The following ASAP2 variants were observed in gnomAD, a reference collection of about 807,000 sequenced individuals.
ASAP2 encodes the protein ArfGAP with SH3 domain, ankyrin repeat and PH domain 2.
ASAP2 carries 45 observed loss-of-function variants against 131.4 expected under a neutral mutation model. The observed-to-expected ratio is 0.34, with a 90% CI of 0.27 to 0.44. The LOEUF is 0.44. Among genes scored for constraint, ASAP2 ranks in the 20% least tolerant of loss-of-function variants. ASAP2 has a pLI of 1.00. For synonymous variants in ASAP2, 510 were observed against 503.0 expected, an observed-to-expected ratio of 1.01 and a Z score of -0.19; for missense variants, 1,011 against 1,297.0, an observed-to-expected ratio of 0.78 and a Z score of 3.39.
chr2:9,300,136 G>GGCTGAA (rs1668392522), intron 3 of ASAP2, among the ~76,000 whole-genome samples: 1 of 152,228 alleles, frequency 6.6e-6, no homozygotes, highest in Non-Finnish European at 1.5e-5. Context: ...GGGAGGCTGA[G>GGCTGAA]GCTGAAGAAT....
intron 1 of ASAP2, among the ~76,000 whole-genome samples, chr2:9,225,943 A>G (rs1010605954): frequency 6.6e-6 from 1 of 152,230 alleles, no homozygotes; most frequent in African/African-American, 2.4e-5. Flanking sequence ...CAACTGCTCC[A>G]TACCAGGCCG....
chr2:9,348,733 C>T (rs932638431), intron 11 of ASAP2, among the ~76,000 whole-genome samples: 3 of 152,048 alleles, frequency 2.0e-5, no homozygotes, highest in African/African-American at 4.8e-5. Context: ...TGGTATGCTG[C>T]GAAGTGAGAA....
chr2:9,253,901 A>G (rs1391122056), intron 1 of ASAP2, among the ~76,000 whole-genome samples: 1 of 152,018 alleles, frequency 6.6e-6, no homozygotes, highest in African/African-American at 2.4e-5. Flanking sequence ...CCACATTCAC[A>G]TAACTTTTAT....
chr2:9,226,960 A>G (rs1283480624), intron 1 of ASAP2, among the ~76,000 whole-genome samples: 1 of 152,138 alleles, frequency 6.6e-6, no homozygotes, highest in Admixed American at 6.5e-5. Flanking sequence ...GGCTGTTGTC[A>G]GTGGAGCAGA....
chr2:9,340,322 G>A (rs1013275636), intron 9 of ASAP2, among the ~76,000 whole-genome samples: 1 of 152,176 alleles, frequency 6.6e-6, no homozygotes, highest in Non-Finnish European at 1.5e-5. Flanking sequence ...CGCCCGGCCA[G>A]CCATGTCTGC....
At position 9,254,525 on chromosome 2, in the gene ASAP2, GGATTTTTTTTTTTT is replaced by G. The variant is rs1287022997; in HGVS notation, c.127-24791_127-24778del. ...GCACCACTACCCCCAGCTAATTTTT[GGATTTTTTTTTTTT>G]TTTTTTTTTTTTTTAGTAGAGACGG... On this transcript the variant is annotated intron_variant, in intron 1 of 27. Coordinates refer to ENST00000281419, the MANE Select transcript of ASAP2 (RefSeq NM_003887.3). Among the ~76,000 whole-genome samples the G allele has an allele frequency of 1.5e-4, 12 of 81,286 alleles. No individual in the cohort carries two copies. In the South Asian group the frequency reaches 5.5e-3, roughly 37 times the overall value. The allele number at this position is 81,286 out of a possible 152,430, so 53.3% of individuals were successfully genotyped here. A position where few individuals can be genotyped will look rare whatever the true frequency, so the allele number is the denominator to read the frequency against.
chr2:9,353,570 AT>A (rs1163449042), intron 12 of ASAP2, among the ~76,000 whole-genome samples: 1 of 150,560 alleles, frequency 6.6e-6, no homozygotes, highest in Non-Finnish European at 1.5e-5. Flanking sequence ...AAAAAAAGAC[AT>A]TTGGGCAGTT....
intron 14 of ASAP2, among the ~76,000 whole-genome samples, chr2:9,356,812 T>C (rs1672738599): frequency 6.6e-6 from 1 of 152,224 alleles, no homozygotes; most frequent in East Asian, 1.9e-4. Flanking sequence ...TCGATTTTCC[T>C]GTCTGTAAAG....
intron 6 of ASAP2, among the ~76,000 whole-genome samples, chr2:9,326,648 A>G (rs1483289019): frequency 6.6e-6 from 1 of 152,208 alleles, no homozygotes; most frequent in East Asian, 1.9e-4. Flanking sequence ...TATACATTCA[A>G]AAAAAATCGT....
At chr2:9,306,884 C>T (rs1015837951) in intron 3 of ASAP2, among the ~76,000 whole-genome samples, 1 of 151,966 alleles carries the variant, frequency 6.6e-6, no homozygotes, top group African/African-American at 2.4e-5. Flanking sequence ...CCCAGGGGCC[C>T]TGGCCGGACA....
At chr2:9,341,982 T>G (rs1324853045) in intron 9 of ASAP2, among the ~76,000 whole-genome samples, 3 of 152,216 alleles carry the variant, frequency 2.0e-5, no homozygotes, top group African/African-American at 7.2e-5. Flanking sequence ...TACTGATTGC[T>G]CACGTGGAGT....
Position 9,311,951 on chromosome 2 carries a change from AG to A in ASAP2, c.346-6572del, listed in dbSNP as rs1295994192. On this transcript the variant is annotated intron_variant, in intron 3 of 27. Transcript: ENST00000281419. The surrounding 1 kb of genome is among the most constrained non-coding windows in gnomAD (Gnocchi z 5.2). ...GCAGGCTGATGTCCAGGAGTCTGGA[AG>A]CTTTATTAGTGAAGCCATCGATGGG... 6.6e-6 allele frequency among the ~76,000 whole-genome samples: 1 copy of A among 152,242 alleles called. No homozygotes were observed. Among genetic ancestry groups the A allele is most frequent in the Admixed American group, 6.5e-5 (1 of 15,288 alleles).
At chr2:9,331,944 G>A (rs549387402) in intron 7 of ASAP2, among the ~76,000 whole-genome samples, 50 of 152,170 alleles carry the variant, frequency 3.3e-4, no homozygotes, top group Admixed American at 2.1e-3. Context: ...AGGGAGGGGC[G>A]GGTGTCACAG....
At chr2:9,270,784 C>CTT (rs1666294703) in intron 1 of ASAP2, among the ~76,000 whole-genome samples, 3 of 69,740 alleles carry the variant, frequency 4.3e-5, no homozygotes, top group African/African-American at 1.0e-4. Flanking sequence ...CAATTGTTTT[C>CTT]ATTTTTTTTT....
chr2:9,293,378 C>G (rs1039968388), intron 2 of ASAP2, among the ~76,000 whole-genome samples: 2 of 152,108 alleles, frequency 1.3e-5, no homozygotes, highest in Non-Finnish European at 2.9e-5. Flanking sequence ...ATTATTGGAT[C>G]TGGATCATTA....
chr2:9,332,812 A>G (rs1670932365), intron 7 of ASAP2, among the ~76,000 whole-genome samples: 1 of 152,240 alleles, frequency 6.6e-6, no homozygotes, highest in South Asian at 2.1e-4. Flanking sequence ...ATAAAGAAAA[A>G]CACGTAAATA....
chr2:9,341,097 C>T (rs968605296), intron 9 of ASAP2, among the ~76,000 whole-genome samples: 8 of 152,144 alleles, frequency 5.3e-5, no homozygotes, highest in Non-Finnish European at 7.3e-5. Context: ...CAACATGGAC[C>T]GCCCTGGCCT....
intron 5 of ASAP2, among the ~76,000 whole-genome samples, chr2:9,321,099 G>A (rs1320845236): frequency 6.6e-6 from 1 of 152,140 alleles, no homozygotes; most frequent in South Asian, 2.1e-4. Flanking sequence ...TAATCTCTGT[G>A]TCTTGGAGTG....
intron 20 of ASAP2, among the ~76,000 whole-genome samples, chr2:9,383,860 G>C (rs1158092998): frequency 6.6e-6 from 1 of 152,182 alleles, no homozygotes; most frequent in Admixed American, 6.5e-5. Flanking sequence ...CATGTCCTTT[G>C]TAGGGACATG....
Sources: allele counts gnomAD v4.1 joint callset (sites outside exome capture counted in the v4.1 genomes callset), GRCh38; gene constraint gnomAD v4.1.1; non-coding constraint Gnocchi (gnomAD v3.1); transcripts MANE v1.5; gene names NCBI Gene and HGNC (gene_info 2026-07-23, HGNC 2026-07-21).